Variants in DHRS1 observed in about 807,000 individuals in gnomAD.
The protein encoded by DHRS1 is dehydrogenase/reductase SDR family member 1.
Under a neutral mutation model 35.2 loss-of-function variants are expected in DHRS1, and 34 were observed. The observed-to-expected ratio is 0.97, with a 90% CI of 0.74 to 1.29. The LOEUF (loss-of-function observed/expected upper bound fraction) is 1.29. Among genes scored for constraint, DHRS1 ranks in the 50% most tolerant of loss-of-function variants. The pLI is 0.00. For synonymous variants in DHRS1, 133 were observed against 160.0 expected, an observed-to-expected ratio of 0.83 and a Z score of 1.27; for missense variants, 354 against 403.6, an observed-to-expected ratio of 0.88 and a Z score of 1.05.
At chr14:24,293,887 T>G (rs1207132354) in intron 4 of DHRS1, 1 of 152,134 alleles carries the variant, frequency 6.6e-6, no homozygotes, top group Non-Finnish European at 1.5e-5. Flanking sequence ...GCAATACAGG[T>G]GTTAACAGTA....
intron 4 of DHRS1, 38 bp downstream of exon 4, chr14:24,296,467 AAGTG>A (rs780045087): frequency 6.2e-7 from 1 of 1,602,772 alleles, no homozygotes; most frequent in Non-Finnish European, 8.5e-7. Context: ...CGAGTTGGCT[AAGTG>A]AGTGAGGGAA....
intron 4 of DHRS1, among the ~76,000 whole-genome samples, chr14:24,295,792 G>A (rs2041239154): frequency 6.6e-6 from 1 of 152,166 alleles, no homozygotes; most frequent in South Asian, 2.1e-4. Context: ...CCTTGGGATT[G>A]TTACCAGAGT....
chr14:24,296,809 A>C lies in DHRS1; in HGVS notation c.223T>G (p.Phe75Val). The part of the protein sequence containing the change: ...SSQESEVRSL[F>V]EQVDREQQGR... Reference sequence around the variant, plus strand: ...TGCTGTTCCCGATCCACTTGCTCAAACAGGCTTCGCACTTCACTCTCCTGG... The same window carrying C: ...TGCTGTTCCCGATCCACTTGCTCAACCAGGCTTCGCACTTCACTCTCCTGG... The change falls in exon 3 of 9, where the codon TTT becomes GTT. Residue 75 changes from phenylalanine to valine, a missense_variant. Physicochemically the swap from Phe to Val is conservative, Grantham distance 50 (BLOSUM62 -1). Coordinates refer to ENST00000288111, the MANE Select transcript of DHRS1 (RefSeq NM_001136050.3). The C allele has an allele frequency of 6.2e-7, 1 of 1,614,230 alleles. No individual in the cohort carries two copies. The highest frequency in any genetic ancestry group is 8.5e-7 in the Non-Finnish European group (1 of 1,180,050).
chr14:24,292,396 T>G, intron 5 of DHRS1, 66 bp from the exon 6 acceptor site: 1 of 1,597,408 alleles, frequency 6.3e-7, no homozygotes, highest in Non-Finnish European at 8.5e-7. Flanking sequence ...CTGCCCTCTC[T>G]GCTTCTACTG....
Position 24,291,142 on chromosome 14 carries a change from C to G in DHRS1, c.802G>C (p.Asp268His), listed in dbSNP as rs1161223909. 6.8e-6 allele frequency: 11 copies of G among 1,614,110 alleles called. No individual in the cohort carries two copies. Among genetic ancestry groups the G allele is most frequent in the Non-Finnish European group, 9.3e-6 (11 of 1,180,002 alleles). ...ACTGCTGTGCCAGGGTCCTCACCGTCCACATCCCGAAGGCCATAGCGTCGA... is the reference window on the plus strand; with the variant it reads ...ACTGCTGTGCCAGGGTCCTCACCGTGCACATCCCGAAGGCCATAGCGTCGA... ...LARRYGLRDV[D>H]GRPVQDYLSL... The change falls in exon 8 of 9, where the codon GAC becomes CAC. Residue 268 changes from aspartate (D) to histidine (H), a missense_variant. By Grantham distance (81) the Asp-to-His change is moderately conservative. Coordinates refer to ENST00000288111, the MANE Select transcript of DHRS1 (RefSeq NM_001136050.3).
chr14:24,291,114 C>A, intron 8 of DHRS1, 25 bp downstream of exon 8: 1 of 1,612,774 alleles, frequency 6.2e-7, no homozygotes, highest in Non-Finnish European at 8.5e-7. Flanking sequence ...GCAGTCAAGG[C>A]TGACTGCTGT....
intron 6 of DHRS1, 75 bp downstream of exon 6, chr14:24,292,109 G>GT: frequency 6.4e-7 from 1 of 1,571,066 alleles, no homozygotes; most frequent in South Asian, 1.1e-5. Flanking sequence ...GTGAGTGGGA[G>GT]TATCTGATCT....
At chr14:24,297,023 G>A (rs1363700534) in intron 2 of DHRS1, 142 bp from the exon 3 acceptor site, 14 of 1,110,908 alleles carry the variant, frequency 1.3e-5, no homozygotes, top group East Asian at 2.6e-5. Flanking sequence ...GGCAGGCAAC[G>A]CTGCCCTCTG....
chr14:24,294,321 C>T (rs1427613146), intron 4 of DHRS1: 1 of 152,118 alleles, frequency 6.6e-6, no homozygotes. Context: ...AGTATGGTGG[C>T]TCATGCCTAT....
At chr14:24,291,300 C>G in intron 7 of DHRS1, 81 bp from the exon 8 acceptor site, 1 of 1,413,466 alleles carries the variant, frequency 7.1e-7, no homozygotes, top group Non-Finnish European at 1.0e-6. Context: ...GGACAGGGCA[C>G]TGCTGAGAGC....
intron 4 of DHRS1, 68 bp from the exon 5 acceptor site, chr14:24,292,852 GC>G: frequency 6.5e-7 from 1 of 1,537,530 alleles, no homozygotes; most frequent in Non-Finnish European, 8.7e-7. Flanking sequence ...ACAGCCTCTG[GC>G]GGCTTCCCCT....
intron 1 of DHRS1, 113 bp downstream of exon 1, chr14:24,299,468 C>T (rs185461865): frequency 1.0e-3 from 229 of 225,142 alleles, no homozygotes; most frequent in Non-Finnish European, 1.7e-3. Context: ...TCTGAAGCTC[C>T]GGTCCCTGGC....
At chr14:24,298,755 G>GT (rs2041308405) in intron 2 of DHRS1, 1 of 673,502 alleles carries the variant, frequency 1.5e-6, no homozygotes, top group African/African-American at 1.8e-5. Context: ...CAAACACAAA[G>GT]TTTTTTCATA....
intron 4 of DHRS1, chr14:24,292,996 C>A: frequency 1.8e-6 from 1 of 541,260 alleles, no homozygotes; most frequent in Non-Finnish European, 3.1e-6. Flanking sequence ...AAACAGCAAT[C>A]TTTGGAAGAA....
intron 5 of DHRS1, 27 bp downstream of exon 5, chr14:24,292,625 T>C (rs749248207): frequency 1.2e-5 from 20 of 1,614,218 alleles, no homozygotes; most frequent in Non-Finnish European, 1.7e-5. Context: ...TTTTACCTCC[T>C]CAGCTCCTAT....
intron 4 of DHRS1, among the ~76,000 whole-genome samples, chr14:24,294,819 A>G (rs1333640624): frequency 2.0e-5 from 3 of 152,220 alleles, no homozygotes; most frequent in Non-Finnish European, 4.4e-5. Context: ...TAGTGGAAGA[A>G]GTATGAATTA....
intron 6 of DHRS1, 115 bp from the exon 7 acceptor site, chr14:24,291,740 G>C: frequency 8.8e-7 from 1 of 1,136,482 alleles, no homozygotes; most frequent in Non-Finnish European, 1.3e-6. Context: ...AGAGGCCAAA[G>C]ACCTCAAGCA....
intron 4 of DHRS1, 179 bp from the exon 5 acceptor site, chr14:24,292,963 C>A: frequency 3.1e-6 from 2 of 641,008 alleles, no homozygotes; most frequent in Non-Finnish European, 4.9e-6. Context: ...GAAAACTGGT[C>A]AAAATAACCA....
chr14:24,290,865 C>G lies in DHRS1; in HGVS notation c.936G>C (p.Lys312Asn), dbSNP rs775954531. 3.1e-6 allele frequency: 5 copies of G among 1,613,616 alleles called. No individual in the cohort carries two copies. Among genetic ancestry groups the G allele is most frequent in the Admixed American group, 1.7e-5 (1 of 59,968 alleles). ...PKWIIALYTS[K>N]F ...TAGTGTCAGACCAGGAGGGTTAGAA[C>G]TTGCTAGTGTAGAGGGCAATAATCC... Residue 312 changes from lysine to asparagine, a missense_variant, in exon 9 of 9, where the codon AAG (lysine) becomes AAC (asparagine). Physicochemically the swap from Lys to Asn is moderately conservative, Grantham distance 94 (BLOSUM62 0). Transcript: ENST00000288111.
Sources: gnomAD v4.1 joint callset for allele counts (sites outside exome capture counted in the v4.1 genomes callset) on GRCh38, gnomAD v4.1.1 for gene constraint, MANE v1.5 for transcripts, NCBI Gene and HGNC (gene_info 2026-07-23, HGNC 2026-07-21) for gene names.